Variants in PGGT1B observed in about 807,000 individuals in gnomAD.
The protein encoded by PGGT1B is protein geranylgeranyltransferase type I subunit beta, also known as geranylgeranyl transferase type-1 subunit beta.
A neutral mutation model predicts 46.1 loss-of-function variants in PGGT1B; 30 were observed. The observed-to-expected ratio is 0.65, with a 90% CI of 0.49 to 0.88. The LOEUF (loss-of-function observed/expected upper bound fraction) is 0.88, where lower values mean the gene tolerates loss of function less well. Among genes scored for constraint, PGGT1B ranks in the 40% least tolerant of loss-of-function variants. The pLI, the probability that PGGT1B is intolerant of heterozygous loss-of-function variation, is 0.00. For synonymous variants in PGGT1B, 170 were observed against 160.0 expected (o/e 1.06, Z -0.47); for missense variants, 376 against 455.9 (o/e 0.82, Z 1.60).
intron 2 of PGGT1B, among the ~76,000 whole-genome samples, chr5:115,252,169 C>T (rs966143165): frequency 6.6e-6 from 1 of 151,952 alleles, no homozygotes; most frequent in African/African-American, 2.4e-5. Context: ...TTGGGGCTAG[C>T]AGAAAAGTGA....
chr5:115,262,493 G>T, intron 1 of PGGT1B: 1 of 520,440 alleles, frequency 1.9e-6, no homozygotes, highest in Admixed American at 3.6e-5. Flanking sequence ...GAAAAAGCCG[G>T]AAACTGGAGA....
At chr5:115,255,742 A>G (rs1210101985) in intron 1 of PGGT1B, among the ~76,000 whole-genome samples, 1 of 152,224 alleles carries the variant, frequency 6.6e-6, no homozygotes, top group African/African-American at 2.4e-5. Context: ...TAAGAAATTT[A>G]GAAATGATCT....
chr5:115,255,363 T>C (rs1248553132), intron 1 of PGGT1B, among the ~76,000 whole-genome samples: 1 of 152,158 alleles, frequency 6.6e-6, no homozygotes, highest in Admixed American at 6.5e-5. Flanking sequence ...CCCTTGGTGG[T>C]AATTATGTCT....
intron 8 of PGGT1B, 56 bp from the exon 9 acceptor site, chr5:115,212,639 A>G: frequency 8.3e-7 from 1 of 1,205,440 alleles, no homozygotes; most frequent in Non-Finnish European, 1.2e-6. Context: ...TACATTCTAC[A>G]GAATATTTTA....
At chr5:115,245,923 T>C (rs1747812723) in intron 2 of PGGT1B, among the ~76,000 whole-genome samples, 1 of 152,230 alleles carries the variant, frequency 6.6e-6, no homozygotes, top group African/African-American at 2.4e-5. Flanking sequence ...CTGTTTCTTA[T>C]GAAAAGCTAT....
chr5:115,218,487 T>G (rs2008091397), intron 7 of PGGT1B, among the ~76,000 whole-genome samples: 1 of 100,838 alleles, frequency 9.9e-6, no homozygotes, highest in African/African-American at 4.5e-5. Context: ...TTCACAATGA[T>G]TCTCAAAAAA....
chr5:115,223,781 T>C (rs1007381808), intron 6 of PGGT1B, among the ~76,000 whole-genome samples: 3 of 152,152 alleles, frequency 2.0e-5, no homozygotes, highest in Admixed American at 1.3e-4. Context: ...TTTTTCCATA[T>C]AAGAAAACAA....
chr5:115,225,222 T>A (rs1425208611), intron 6 of PGGT1B, among the ~76,000 whole-genome samples: 3 of 152,202 alleles, frequency 2.0e-5, no homozygotes, highest in Non-Finnish European at 4.4e-5. Context: ...AAGATTTTCA[T>A]CTGAAATGGT....
At chr5:115,217,349 G>C (rs558698801) in intron 7 of PGGT1B, among the ~76,000 whole-genome samples, 3 of 151,604 alleles carry the variant, frequency 2.0e-5, no homozygotes, top group African/African-American at 7.2e-5. Flanking sequence ...TTATAAACTA[G>C]TAGTAACTGG....
intron 2 of PGGT1B, among the ~76,000 whole-genome samples, chr5:115,251,328 T>C (rs1370152286): frequency 6.6e-6 from 1 of 152,126 alleles, no homozygotes; most frequent in Non-Finnish European, 1.5e-5. Flanking sequence ...ATGGATAATA[T>C]GAAACTCCAG....
chr5:115,241,556 G>A lies in PGGT1B; in HGVS notation c.310C>T (p.Pro104Ser), dbSNP rs145909449. 113 of 1,606,606 alleles carry A rather than the reference G, an allele frequency of 7.0e-5. No homozygotes were observed. The African/African-American group carries it at 1.4e-3, about 19-fold the overall frequency. Residue 104 changes from proline (P) to serine (S), a missense_variant, in exon 3 of 9, where the codon CCG (proline) becomes TCG (serine). Transcript: ENST00000419445. Reference protein sequence around the residue: ...GFRGSSYLGIPFNPSKAPGTA... With the variant: ...GFRGSSYLGISFNPSKAPGTA... Reference sequence around the variant, plus strand: ...GAACCAACCTTTGATGGATTGAACGGAATACCCAGGTATGAAGAGCCTCGG... The same window carrying A: ...GAACCAACCTTTGATGGATTGAACGAAATACCCAGGTATGAAGAGCCTCGG...
At chr5:115,251,252 C>T (rs1052472334) in intron 2 of PGGT1B, among the ~76,000 whole-genome samples, 1 of 152,038 alleles carries the variant, frequency 6.6e-6, no homozygotes, top group Non-Finnish European at 1.5e-5. Context: ...TTTTTGTGAA[C>T]CCTTGTTATT....
At chr5:115,217,197 A>G (rs1756446898) in intron 7 of PGGT1B, among the ~76,000 whole-genome samples, 1 of 152,146 alleles carries the variant, frequency 6.6e-6, no homozygotes, top group Admixed American at 6.6e-5. Flanking sequence ...CTTCTTCTGA[A>G]CCAGGCCAAC....
rs961413762 is a variant in PGGT1B, at chr5:115,210,738, A to G, written c.*1664T>C. 2 of 152,072 alleles carry G rather than the reference A, an allele frequency of 1.3e-5. No homozygotes were observed. Among genetic ancestry groups the G allele is most frequent in the African/African-American group, 4.8e-5 (2 of 41,440 alleles). The allele number at this position is 152,072 out of a possible 1,614,324, so 9.4% of individuals were successfully genotyped here. A position where few individuals can be genotyped will look rare whatever the true frequency, so the allele number is the denominator to read the frequency against. ...TATATATATGCTACTTTAACTTCCA[A>G]TGTCTAAGAGATGACTTAGTTTGAG... is the stretch of plus-strand genomic sequence containing the variant. On this transcript the variant is annotated 3_prime_UTR_variant, in exon 9 of 9. Transcript: ENST00000419445.
intron 2 of PGGT1B, among the ~76,000 whole-genome samples, chr5:115,251,451 G>C (rs946426609): frequency 6.6e-6 from 1 of 152,028 alleles, no homozygotes; most frequent in African/African-American, 2.4e-5. Context: ...AAATGGTAGG[G>C]GGAAGTAAAC....
At position 115,209,694 on chromosome 5, in the gene PGGT1B, A is replaced by C. The variant is rs540581061; in HGVS notation, c.*2708T>G. 6 of 152,270 alleles carry C rather than the reference A, an allele frequency of 3.9e-5. No individual in the cohort carries two copies. Among genetic ancestry groups the C allele is most frequent in the Non-Finnish European group, 8.8e-5 (6 of 67,990 alleles). 9.4% of individuals were successfully genotyped at this position (152,270 alleles called of 1,614,324 possible). A position where few individuals can be genotyped will look rare whatever the true frequency, so the allele number is the denominator to read the frequency against. On this transcript the variant is annotated 3_prime_UTR_variant, in exon 9 of 9. Transcript: ENST00000419445. Reference sequence around the variant, plus strand: ...CATTTTCCCTGAGGTTAAACTGTTAAGACCTCTTTCTGTTGTAGAAGAGAG... The same window carrying C: ...CATTTTCCCTGAGGTTAAACTGTTACGACCTCTTTCTGTTGTAGAAGAGAG...
Position 115,204,651 on chromosome 5 carries a change from T to C in PGGT1B, c.*7751A>G, listed in dbSNP as rs1756013409. 6.6e-6 allele frequency: 1 copy of C among 152,200 alleles called. No individual in the cohort carries two copies. Among genetic ancestry groups the C allele is most frequent in the Admixed American group, 6.5e-5 (1 of 15,270 alleles). The allele number at this position is 152,200 out of a possible 1,614,324, so 9.4% of individuals were successfully genotyped here. A position where few individuals can be genotyped will look rare whatever the true frequency, so the allele number is the denominator to read the frequency against. ...CTCTCATACCTTGTTGTTGAGTTTATGAATGGCTACACTGTTTCTGGATGG... is the reference window on the plus strand; with the variant it reads ...CTCTCATACCTTGTTGTTGAGTTTACGAATGGCTACACTGTTTCTGGATGG... On this transcript the variant is annotated 3_prime_UTR_variant, in exon 9 of 9. Transcript: ENST00000419445.
chr5:115,217,739 A>C (rs758189322), intron 7 of PGGT1B, among the ~76,000 whole-genome samples: 2 of 152,044 alleles, frequency 1.3e-5, no homozygotes, highest in Non-Finnish European at 1.5e-5. Context: ...AGCTAAACTC[A>C]TAAGAAAGTT....
At chr5:115,214,032 T>C (rs2126986525) in intron 8 of PGGT1B, among the ~76,000 whole-genome samples, 1 of 152,286 alleles carries the variant, frequency 6.6e-6, no homozygotes, top group Admixed American at 6.5e-5. Context: ...AAAATAAACT[T>C]GATTTCACCT....
Sources: allele counts gnomAD v4.1 joint callset (sites outside exome capture counted in the v4.1 genomes callset), GRCh38; gene constraint gnomAD v4.1.1; transcripts MANE v1.5; gene names NCBI Gene and HGNC (gene_info 2026-07-23, HGNC 2026-07-21).